SLC6A6: variants seen among roughly 807,000 people sequenced by gnomAD.
The protein encoded by SLC6A6 is solute carrier family 6 member 6.
SLC6A6 carries 16 observed loss-of-function variants against 68.8 expected under a neutral mutation model. The ratio of observed to expected loss-of-function variants is 0.23; its 90% CI spans 0.16 to 0.35. SLC6A6 has a LOEUF of 0.35. Ranked by LOEUF, SLC6A6 falls within the 10% of genes least tolerant of loss-of-function variation. The pLI, the probability that SLC6A6 is intolerant of heterozygous loss-of-function variation, is 1.00. For missense variants in SLC6A6, 474 were observed against 802.8 expected (o/e 0.59, Z 4.95); for synonymous variants, 312 against 315.4 (o/e 0.99, Z 0.12).
chr3:14,417,372 C>G (rs1159886919), intron 2 of SLC6A6, among the ~76,000 whole-genome samples: 1 of 152,084 alleles, frequency 6.6e-6, no homozygotes, highest in Admixed American at 6.6e-5. Flanking sequence ...TCCATTTTTG[C>G]TGAATCATTG....
chr3:14,454,377 C>T (rs1239058077), intron 5 of SLC6A6, among the ~76,000 whole-genome samples: 1 of 152,102 alleles, frequency 6.6e-6, no homozygotes, highest in South Asian at 2.1e-4. Context: ...GGCGCCATGG[C>T]GTTCCCTCGG....
intron 13 of SLC6A6, among the ~76,000 whole-genome samples, chr3:14,480,148 G>A (rs994910507): frequency 2.0e-5 from 3 of 152,226 alleles, no homozygotes; most frequent in Non-Finnish European, 4.4e-5. Context: ...CCCGGTGGCA[G>A]CTGACGACCT....
At chr3:14,419,014 G>T (rs978187563) in intron 2 of SLC6A6, among the ~76,000 whole-genome samples, 1 of 152,208 alleles carries the variant, frequency 6.6e-6, no homozygotes, top group Non-Finnish European at 1.5e-5. Context: ...GCTGCCGTGA[G>T]GCTGGAATGT....
In SLC6A6 at chr3:14,481,535, A is replaced by G; in HGVS notation, c.1552-136A>G. The stretch of plus-strand genomic sequence containing the variant: ...GGGGGGGATCCTTATGGCAGCAGAG[A>G]GGGGTGTGAGTTCTGAGCCAGTCCT... On this transcript the variant is annotated intron_variant, in intron 13 of 14. Coordinates refer to ENST00000622186, the MANE Select transcript of SLC6A6 (RefSeq NM_003043.6). This position sits in a 1 kb window ranked among gnomAD's most constrained non-coding sequence, Gnocchi z 4.7. 3.2e-6 allele frequency: 2 copies of G among 630,958 alleles called. No homozygotes were observed. Among genetic ancestry groups the G allele is most frequent in the South Asian group, 2.0e-5 (1 of 51,196 alleles). 39.1% of individuals were successfully genotyped at this position (630,958 alleles called of 1,614,324 possible). A position where few individuals can be genotyped will look rare whatever the true frequency, so the allele number is the denominator to read the frequency against.
intron 3 of SLC6A6, chr3:14,444,684 G>T: frequency 2.2e-6 from 1 of 455,856 alleles, no homozygotes; most frequent in South Asian, 1.5e-5. Context: ...CACATTAGTA[G>T]AACCACCTTT....
intron 6 of SLC6A6, among the ~76,000 whole-genome samples, chr3:14,464,833 C>G (rs1451659140): frequency 6.6e-6 from 1 of 152,218 alleles, no homozygotes; most frequent in Non-Finnish European, 1.5e-5. Flanking sequence ...TCCCCTGATC[C>G]CCAGATGCGG....
chr3:14,423,137 T>C (rs762912676), intron 2 of SLC6A6, among the ~76,000 whole-genome samples: 21 of 152,294 alleles, frequency 1.4e-4, no homozygotes, highest in South Asian at 4.1e-4. Flanking sequence ...GGGCATTTGC[T>C]TTGGAAAAAC....
At position 14,477,278 on chromosome 3, in the gene SLC6A6, G is replaced by A; in HGVS notation, c.1283G>A (p.Arg428Gln). ...YPSFLRKGYR[R>Q]EIFIAFVCSI... ...TCCTTCCTAAGGAAGGGTTATCGTC[G>A]GGAAATCTTCATCGCCTTCGTGTGT... Residue 428 changes from arginine to glutamine, a missense_variant, in exon 11 of 15, where the codon CGG (arginine) becomes CAG (glutamine). Arg to Gln is a conservative substitution (Grantham distance 43). Around this residue, in one of 2 missense-constraint regions of SLC6A6, gnomAD observed 194 missense variants for 269.8 expected, o/e 0.72. Coordinates refer to ENST00000622186, the MANE Select transcript of SLC6A6 (RefSeq NM_003043.6). This position sits in a 1 kb window ranked among gnomAD's most constrained non-coding sequence, Gnocchi z 4.2. The A allele has an allele frequency of 3.1e-6, 5 of 1,613,978 alleles. No homozygotes were observed. The highest frequency in any genetic ancestry group is 4.2e-6 in the Non-Finnish European group (5 of 1,179,828).
At chr3:14,427,390 C>G (rs1437861506) in intron 2 of SLC6A6, among the ~76,000 whole-genome samples, 1 of 152,232 alleles carries the variant, frequency 6.6e-6, no homozygotes, top group Non-Finnish European at 1.5e-5. Flanking sequence ...AACCGAGGCA[C>G]AGAGCATATG....
intron 9 of SLC6A6, among the ~76,000 whole-genome samples, chr3:14,471,852 C>G (rs561091435): frequency 5.2e-5 from 8 of 152,382 alleles, no homozygotes; most frequent in Non-Finnish European, 1.2e-4. Flanking sequence ...AGGCTGTCCA[C>G]TCAATGGCTT....
intron 4 of SLC6A6, among the ~76,000 whole-genome samples, chr3:14,446,080 G>A (rs1559299642): frequency 6.6e-6 from 1 of 152,206 alleles, no homozygotes; most frequent in Non-Finnish European, 1.5e-5. Flanking sequence ...TGCTCAGTAA[G>A]GCCCAGCATG....
chr3:14,445,318 G>A (rs1163787718), intron 3 of SLC6A6, among the ~76,000 whole-genome samples: 2 of 152,126 alleles, frequency 1.3e-5, no homozygotes, highest in Non-Finnish European at 2.9e-5. Context: ...CTACTCGGGA[G>A]GCTGAGGCAG....
chr3:14,425,046 G>A (rs990587683), intron 2 of SLC6A6, among the ~76,000 whole-genome samples: 2 of 152,352 alleles, frequency 1.3e-5, no homozygotes, highest in African/African-American at 4.8e-5. Context: ...CGGAGTCAAG[G>A]TCAAGTGTTG....
rs1701108133 is a variant in SLC6A6 at position 14,484,935 on chromosome 3, T to C, written c.1791T>C (p.Pro597=). 6.2e-7 allele frequency: 1 copy of C among 1,612,766 alleles called. No homozygotes were observed. ...RWAVEREGAT[P]YNSRTVMNGA... Reference sequence around the variant, plus strand: ...CTGTGGAGCGCGAGGGAGCCACACCTTACAACTCTCGCACCGTCATGAACG... The same window carrying C: ...CTGTGGAGCGCGAGGGAGCCACACCCTACAACTCTCGCACCGTCATGAACG... Residue 597 remains proline, a synonymous_variant, in exon 15 of 15, where the codon CCT becomes CCC. Transcript: ENST00000622186.
intron 2 of SLC6A6, among the ~76,000 whole-genome samples, chr3:14,427,424 G>GT (rs1171754417): frequency 6.6e-6 from 1 of 152,212 alleles, no homozygotes; most frequent in Non-Finnish European, 1.5e-5. Flanking sequence ...CAGAGCTGGG[G>GT]TTTGAGCCCC....
At chr3:14,443,009 T>C (rs566071116) in intron 2 of SLC6A6, among the ~76,000 whole-genome samples, 1 of 152,362 alleles carries the variant, frequency 6.6e-6, no homozygotes, top group East Asian at 1.9e-4. Flanking sequence ...CCATTCTCTA[T>C]ACTTGGATGG....
At chr3:14,463,811 A>G (rs1322690735) in intron 6 of SLC6A6, among the ~76,000 whole-genome samples, 1 of 152,226 alleles carries the variant, frequency 6.6e-6, no homozygotes, top group Non-Finnish European at 1.5e-5. Context: ...TGGAGGAACA[A>G]AGGACGCCCG....
chr3:14,478,253 C>G (rs529584126), intron 11 of SLC6A6, among the ~76,000 whole-genome samples: 73 of 152,296 alleles, frequency 4.8e-4, no homozygotes, highest in African/African-American at 1.8e-3. Context: ...GTGGACCCAT[C>G]ATTTTGCTTT....
rs1330563922 is a variant in SLC6A6, at chr3:14,472,175, G to C, written c.1097-30G>C. The C allele has an allele frequency of 5.8e-6, 8 of 1,389,342 alleles. No homozygotes were observed. The highest frequency in any genetic ancestry group is 8.2e-6 in the Non-Finnish European group (8 of 975,256). The allele number at this position is 1,389,342 out of a possible 1,614,324, so 86.1% of individuals were successfully genotyped here. On this transcript the variant is annotated intron_variant, in intron 9 of 14. Coordinates refer to ENST00000622186, the MANE Select transcript of SLC6A6 (RefSeq NM_003043.6). This position sits in a 1 kb window ranked among gnomAD's most constrained non-coding sequence, Gnocchi z 4.5. ...CTTGGTGGCTGATGTCTCCTCCCCT[G>C]TGCCCCTCCCCGTTTTCTTTCCTTT...
Sources: allele counts gnomAD v4.1 joint callset (sites outside exome capture counted in the v4.1 genomes callset), GRCh38; gene constraint gnomAD v4.1.1; regional missense constraint gnomAD v4.1.1; non-coding constraint Gnocchi (gnomAD v3.1); transcripts MANE v1.5; gene names NCBI Gene and HGNC (gene_info 2026-07-23, HGNC 2026-07-21).